The following NUBPL variants were observed in gnomAD, a reference collection of about 807,000 sequenced individuals.
NUBPL encodes NUBP iron-sulfur cluster assembly factor, mitochondrial.
NUBPL carries 31 observed loss-of-function variants against 45.7 expected under a neutral mutation model. The observed-to-expected ratio is 0.68, with a 90% CI of 0.51 to 0.92. The LOEUF (loss-of-function observed/expected upper bound fraction) is 0.92, where lower values mean the gene tolerates loss of function less well. Among genes scored for constraint, NUBPL ranks in the 40% least tolerant of loss-of-function variants. NUBPL has a pLI of 0.00. For synonymous variants in NUBPL, 144 were observed against 140.9 expected, an observed-to-expected ratio of 1.02 and a Z score of -0.15; for missense variants, 401 against 398.7, an observed-to-expected ratio of 1.01 and a Z score of -0.05.
At chr14:31,846,649 G>C in intron 9 of NUBPL, 58 bp downstream of exon 9, 1 of 1,602,858 alleles carries the variant, frequency 6.2e-7, no homozygotes, top group Non-Finnish European at 8.5e-7. Flanking sequence ...GTGGGGATGA[G>C]GCTTGATGAT....
chr14:31,838,899 A>AT (rs967321431), intron 8 of NUBPL, among the ~76,000 whole-genome samples: 5 of 152,066 alleles, frequency 3.3e-5, no homozygotes, highest in Admixed American at 3.3e-4. Flanking sequence ...TGGCTACCCT[A>AT]TTGGGCATTG....
intron 6 of NUBPL, among the ~76,000 whole-genome samples, chr14:31,779,018 C>T (rs1467330545): frequency 6.6e-6 from 1 of 152,118 alleles, no homozygotes; most frequent in Non-Finnish European, 1.5e-5. Context: ...CAAGTTATTA[C>T]ACCAGGTGAT....
chr14:31,758,585 G>C (rs1337344292), intron 6 of NUBPL, among the ~76,000 whole-genome samples: 2 of 152,004 alleles, frequency 1.3e-5, no homozygotes, highest in Non-Finnish European at 2.9e-5. Context: ...GTTTATATGT[G>C]ATATGAAAAT....
chr14:31,790,956 C>T (rs2039370809), intron 7 of NUBPL, among the ~76,000 whole-genome samples: 1 of 151,846 alleles, frequency 6.6e-6, no homozygotes, highest in Admixed American at 6.6e-5. Context: ...GAAGACCAAG[C>T]AAGAAAATAT....
At chr14:31,792,287 A>G (rs536526418) in intron 7 of NUBPL, among the ~76,000 whole-genome samples, 2 of 152,302 alleles carry the variant, frequency 1.3e-5, no homozygotes, top group East Asian at 3.9e-4. Flanking sequence ...CCCCGATGGG[A>G]TGAATATCCA....
At position 31,727,448 on chromosome 14, in the gene NUBPL, C is replaced by T. The variant is rs368602977; in HGVS notation, c.513+53874C>T. 4.3e-4 allele frequency among the ~76,000 whole-genome samples: 66 copies of T among 152,222 alleles called. 2 individuals carry two copies. The South Asian group carries it at 0.013, about 31-fold the overall frequency. On this transcript the variant is annotated intron_variant, in intron 6 of 10. Coordinates refer to ENST00000281081, the MANE Select transcript of NUBPL (RefSeq NM_025152.3). ...ATTAGTGGTTTGTAACTGTCAAAGA[C>T]AAAGACATCATAAGGTATAACAGCA...
intron 3 of NUBPL, among the ~76,000 whole-genome samples, chr14:31,573,892 CT>C (rs2033652045): frequency 6.6e-6 from 1 of 152,046 alleles, no homozygotes; most frequent in Admixed American, 6.5e-5. Flanking sequence ...GGTTTTATTC[CT>C]TTTTTTAATC....
At chr14:31,708,659 A>C (rs958613261) in intron 6 of NUBPL, among the ~76,000 whole-genome samples, 15 of 152,188 alleles carry the variant, frequency 9.9e-5, no homozygotes, top group African/African-American at 3.1e-4. Flanking sequence ...GGAGATTAAC[A>C]ATGAGAAGGC....
intron 3 of NUBPL, among the ~76,000 whole-genome samples, chr14:31,588,635 G>A (rs553136110): frequency 1.3e-5 from 2 of 151,570 alleles, no homozygotes; most frequent in African/African-American, 4.8e-5. Flanking sequence ...GTAATCACCC[G>A]GCTGAGCGCG....
chr14:31,708,672 C>T (rs770283882), intron 6 of NUBPL, among the ~76,000 whole-genome samples: 11 of 152,162 alleles, frequency 7.2e-5, no homozygotes, highest in South Asian at 2.1e-4. Flanking sequence ...GAGAAGGCTG[C>T]GCCAGTGTCT....
At chr14:31,696,047 G>C (rs529457905) in intron 6 of NUBPL, among the ~76,000 whole-genome samples, 1 of 152,318 alleles carries the variant, frequency 6.6e-6, no homozygotes, top group African/African-American at 2.4e-5. Context: ...ATAAGGAGGG[G>C]AGTTACTGTT....
intron 7 of NUBPL, among the ~76,000 whole-genome samples, chr14:31,814,255 G>A (rs2039871960): frequency 6.6e-6 from 1 of 152,202 alleles, no homozygotes; most frequent in South Asian, 2.1e-4. Context: ...ATCTCATTGT[G>A]GTTTTGATTT....
intron 10 of NUBPL, among the ~76,000 whole-genome samples, chr14:31,850,485 G>A (rs548457476): frequency 3.3e-5 from 5 of 152,100 alleles, no homozygotes; most frequent in African/African-American, 1.2e-4. Context: ...TATATTGCTG[G>A]CTAGCAATAT....
chr14:31,635,749 A>G (rs1305172772), intron 4 of NUBPL, among the ~76,000 whole-genome samples: 2 of 151,128 alleles, frequency 1.3e-5, no homozygotes, highest in African/African-American at 2.4e-5. Flanking sequence ...ATTTGTTTGT[A>G]TCCTCTTTTA....
intron 4 of NUBPL, among the ~76,000 whole-genome samples, chr14:31,605,683 A>G (rs1000852137): frequency 6.6e-6 from 1 of 152,166 alleles, no homozygotes; most frequent in African/African-American, 2.4e-5. Context: ...ACTACAAAGA[A>G]GGGACTGAGA....
At chr14:31,826,770 A>C in intron 8 of NUBPL, 56 bp downstream of exon 8, 1 of 1,463,112 alleles carries the variant, frequency 6.8e-7, no homozygotes, top group Admixed American at 1.7e-5. Context: ...CTGAAGAAGC[A>C]AGTCATTGAA....
At chr14:31,855,515 T>C (rs2040602275) in intron 10 of NUBPL, among the ~76,000 whole-genome samples, 1 of 152,194 alleles carries the variant, frequency 6.6e-6, no homozygotes, top group South Asian at 2.1e-4. Flanking sequence ...TCATCCAAGT[T>C]AAGCTGATGA....
intron 7 of NUBPL, among the ~76,000 whole-genome samples, chr14:31,802,719 T>G (rs925193020): frequency 7.9e-5 from 12 of 152,184 alleles, no homozygotes; most frequent in African/African-American, 2.7e-4. Context: ...GTCTCAGATA[T>G]TGTGTTATGG....
intron 8 of NUBPL, among the ~76,000 whole-genome samples, chr14:31,843,129 C>T (rs760550048): frequency 2.0e-5 from 3 of 152,212 alleles, no homozygotes; most frequent in Non-Finnish European, 2.9e-5. Context: ...GGCACCCAGA[C>T]TGATACAGCA....
Sources: gnomAD v4.1 joint callset for allele counts (sites outside exome capture counted in the v4.1 genomes callset) on GRCh38, gnomAD v4.1.1 for gene constraint, MANE v1.5 for transcripts, NCBI Gene and HGNC (gene_info 2026-07-23, HGNC 2026-07-21) for gene names.